The following HBP1 variants were observed in gnomAD, a reference collection of about 807,000 sequenced individuals.
HBP1 encodes HMG box-containing protein 1.
HBP1 carries 20 observed loss-of-function variants against 62.6 expected under a neutral mutation model. The ratio of observed to expected loss-of-function variants is 0.32; its 90% CI spans 0.22 to 0.46. The LOEUF is 0.46. Ranked by LOEUF, HBP1 falls within the 20% of genes least tolerant of loss-of-function variation. The pLI is 1.00. For missense variants in HBP1, 480 were observed against 611.8 expected, an observed-to-expected ratio of 0.78 and a Z score of 2.27; for synonymous variants, 232 against 206.2, an observed-to-expected ratio of 1.12 and a Z score of -1.07.
intron 1 of HBP1, among the ~76,000 whole-genome samples, chr7:107,171,679 C>A (rs980583411): frequency 8.6e-5 from 13 of 151,736 alleles, no homozygotes; most frequent in African/African-American, 2.9e-4. Context: ...GCCTCGCCAA[C>A]GTCGTGAAAT....
intron 1 of HBP1, chr7:107,174,384 T>C (rs1796739451): frequency 2.8e-6 from 2 of 721,352 alleles, no homozygotes; most frequent in Non-Finnish European, 1.7e-6. Flanking sequence ...TTTGGTTCTT[T>C]TGGTTATTTA....
chr7:107,184,146 A>G (rs1797243362), intron 3 of HBP1, among the ~76,000 whole-genome samples: 1 of 152,232 alleles, frequency 6.6e-6, no homozygotes, highest in African/African-American at 2.4e-5. Context: ...AAGAACTGAT[A>G]AAACTCACTT....
intron 1 of HBP1, among the ~76,000 whole-genome samples, chr7:107,171,112 C>A (rs1431182778): frequency 2.4e-5 from 3 of 124,822 alleles, no homozygotes; most frequent in African/African-American, 1.0e-4. Context: ...GCTCTGTCGC[C>A]AGGCTGGAGT....
At chr7:107,189,202 C>G in intron 6 of HBP1, 90 bp from the exon 7 acceptor site, 2 of 1,103,758 alleles carry the variant, frequency 1.8e-6, no homozygotes, top group Admixed American at 2.4e-5. Context: ...TTATTTTTAC[C>G]TTTTCCACAA....
chr7:107,169,580 G>A (rs1282051479), intron 1 of HBP1: 1 of 206,272 alleles, frequency 4.8e-6, no homozygotes. Flanking sequence ...GTGGGCGGAG[G>A]GTCGGAGCTT....
intron 1 of HBP1, among the ~76,000 whole-genome samples, chr7:107,172,003 C>G (rs1383478541): frequency 1.3e-5 from 2 of 151,516 alleles, no homozygotes; most frequent in East Asian, 3.9e-4. Context: ...TCACAAAATT[C>G]AGGGAAAAAT....
Position 107,202,028 on chromosome 7 carries a change from T to C in HBP1, c.*597T>C, listed in dbSNP as rs1798359616. The C allele has an allele frequency of 6.5e-6, 1 of 152,694 alleles. No individual in the cohort carries two copies. Among genetic ancestry groups the C allele is most frequent in the South Asian group, 2.1e-4 (1 of 4,834 alleles). 9.5% of individuals were successfully genotyped at this position (152,694 alleles called of 1,614,324 possible). A position where few individuals can be genotyped will look rare whatever the true frequency, so the allele number is the denominator to read the frequency against. ...TAAGAGCCACCTGCTGCAGTTACCA[T>C]GGCATGCTGAGTTGATGCACCAGGT... is the stretch of plus-strand genomic sequence containing the variant. On this transcript the variant is annotated 3_prime_UTR_variant, in exon 11 of 11. Transcript: ENST00000222574.
At chr7:107,178,330 G>T (rs1208666333) in intron 1 of HBP1, among the ~76,000 whole-genome samples, 1 of 152,120 alleles carries the variant, frequency 6.6e-6, no homozygotes, top group Non-Finnish European at 1.5e-5. Flanking sequence ...TTAAAAAATG[G>T]AATTTAGACT....
intron 1 of HBP1, among the ~76,000 whole-genome samples, chr7:107,171,321 C>T (rs1361767490): frequency 6.6e-6 from 1 of 151,378 alleles, no homozygotes; most frequent in Non-Finnish European, 1.5e-5. Flanking sequence ...CTGCCCGCCT[C>T]GGCCTCCCAA....
chr7:107,186,475 AAAAC>A lies in HBP1; in HGVS notation c.652+19_652+22del, dbSNP rs758062795. ...TGTCTGGCACTGTTTTTTGAAAGGT[AAAAC>A]AAACAAACAAACAAAAACCTTGAAT... On this transcript the variant is annotated splice_donor_5th_base_variant and intron_variant, in intron 5 of 10. Coordinates refer to ENST00000222574, the MANE Select transcript of HBP1 (RefSeq NM_012257.4). 5.7e-4 allele frequency: 916 copies of A among 1,599,172 alleles called. No individual in the cohort carries two copies. The highest frequency in any genetic ancestry group is 8.2e-4 in the African/African-American group (61 of 74,600).
Position 107,189,306 on chromosome 7 carries a change from T to A in HBP1, c.780T>A (p.Asp260Glu), listed in dbSNP as rs1358842391. 5.6e-6 allele frequency: 9 copies of A among 1,612,574 alleles called. No individual in the cohort carries two copies. The highest frequency in any genetic ancestry group is 6.8e-6 in the Non-Finnish European group (8 of 1,178,944). Reference protein sequence around the residue: ...QMGIHKGYGSDGLKLLSHEES... With the variant: ...QMGIHKGYGSEGLKLLSHEES... ...TATATTTTCAGGGCTATGGTTCTGA[T>A]GGTCTAAAGTTGTTATCACATGAAG... The change falls in exon 7 of 11, where the codon GAT becomes GAA. Residue 260 changes from aspartate (D) to glutamate (E), a missense_variant. Transcript: ENST00000222574.
chr7:107,173,385 G>C (rs1483299568), intron 1 of HBP1: 2 of 152,154 alleles, frequency 1.3e-5, no homozygotes, highest in Non-Finnish European at 2.9e-5. Context: ...TAAGGATTCA[G>C]GGAATAATAG....
At chr7:107,194,134 C>T (rs1310060290) in intron 8 of HBP1, among the ~76,000 whole-genome samples, 1 of 152,138 alleles carries the variant, frequency 6.6e-6, no homozygotes, top group Non-Finnish European at 1.5e-5. Context: ...TTTAAAGATA[C>T]TCTATGTCAT....
At chr7:107,198,190 A>G (rs967282108) in intron 9 of HBP1, among the ~76,000 whole-genome samples, 8 of 151,578 alleles carry the variant, frequency 5.3e-5, no homozygotes, top group Admixed American at 5.3e-4. Flanking sequence ...AAATCAGGTT[A>G]TACCCTTTAT....
chr7:107,169,653 C>A, intron 1 of HBP1: 1 of 757,864 alleles, frequency 1.3e-6, no homozygotes, highest in Non-Finnish European at 1.6e-6. Context: ...TCCTTCTGGA[C>A]TGAGGGGGAT....
chr7:107,174,201 C>T (rs769741394), intron 1 of HBP1, among the ~76,000 whole-genome samples: 7 of 152,280 alleles, frequency 4.6e-5, no homozygotes, highest in Non-Finnish European at 1.0e-4. Flanking sequence ...GACCTGTCCC[C>T]GGTTACACAG....
chr7:107,200,034 C>A, intron 9 of HBP1, 126 bp from the exon 10 acceptor site: 1 of 690,072 alleles, frequency 1.4e-6, no homozygotes, highest in Non-Finnish European at 2.3e-6. Context: ...GACCTTTTCC[C>A]ATCTCTGTGA....
intron 6 of HBP1, among the ~76,000 whole-genome samples, chr7:107,188,903 C>T (rs1797513038): frequency 6.6e-6 from 1 of 152,132 alleles, no homozygotes; most frequent in South Asian, 2.1e-4. Context: ...CAAATCTGAA[C>T]TCACCTTGTA....
intron 9 of HBP1, among the ~76,000 whole-genome samples, chr7:107,198,743 T>C (rs769725318): frequency 4.6e-5 from 7 of 152,248 alleles, no homozygotes; most frequent in African/African-American, 1.7e-4. Context: ...CAGAGACATG[T>C]AGCTCATTTT....
Sources: allele counts gnomAD v4.1 joint callset (sites outside exome capture counted in the v4.1 genomes callset), GRCh38; gene constraint gnomAD v4.1.1; transcripts MANE v1.5; gene names NCBI Gene and HGNC (gene_info 2026-07-23, HGNC 2026-07-21).